The following TENM2 variants were observed in gnomAD, a reference collection of about 807,000 sequenced individuals.
TENM2 encodes teneurin transmembrane protein 2.
In TENM2, 52 loss-of-function variants were observed where a neutral mutation model predicts 245.2. The observed-to-expected ratio is 0.21, with a 90% confidence interval of 0.17 to 0.27. TENM2 has a LOEUF of 0.27. TENM2 is among the 10% of genes least tolerant of loss of function. The pLI, the probability that TENM2 is intolerant of heterozygous loss-of-function variation, is 1.00. For synonymous variants in TENM2, 1,363 were observed against 1,438.9 expected (o/e 0.95, Z 1.19); for missense variants, 3,046 against 3,666.8 (o/e 0.83, Z 4.37).
chr5:167,448,364 A>T (rs1765359081), intron 2 of TENM2, among the ~76,000 whole-genome samples: 2 of 152,096 alleles, frequency 1.3e-5, no homozygotes, highest in Admixed American at 1.3e-4. Flanking sequence ...CACAGTGATT[A>T]TACTGGTTGG....
intron 2 of TENM2, among the ~76,000 whole-genome samples, chr5:167,503,574 C>G (rs1769353549): frequency 6.7e-6 from 1 of 150,348 alleles, no homozygotes; most frequent in Admixed American, 6.6e-5. Flanking sequence ...AATGAATTAT[C>G]TGAGGCACCA....
intron 5 of TENM2, among the ~76,000 whole-genome samples, chr5:167,999,590 G>C (rs1409359046): frequency 6.6e-6 from 1 of 152,194 alleles, no homozygotes; most frequent in African/African-American, 2.4e-5. Flanking sequence ...TTTGTACCTC[G>C]TGTTTGACAT....
chr5:167,060,066 C>A, the TENM2 span, among the ~76,000 whole-genome samples: 4 of 152,048 alleles, frequency 2.6e-5, no homozygotes, highest in East Asian at 7.7e-4. Context: ...AAATTAAAAA[C>A]TTTTTAATTA....
At chr5:167,922,670 T>C (rs1174384777) in intron 3 of TENM2, among the ~76,000 whole-genome samples, 1 of 152,200 alleles carries the variant, frequency 6.6e-6, no homozygotes, top group Non-Finnish European at 1.5e-5. Flanking sequence ...CTGCTTCTCC[T>C]CAGTCACTCT....
the TENM2 span, among the ~76,000 whole-genome samples, chr5:167,239,876 G>A: frequency 5.9e-5 from 9 of 152,196 alleles, no homozygotes; most frequent in South Asian, 6.2e-4. Context: ...AGATTCAAGC[G>A]ATTCTCCTGC....
At chr5:167,922,232 T>G (rs1190981193) in intron 3 of TENM2, among the ~76,000 whole-genome samples, 1 of 152,168 alleles carries the variant, frequency 6.6e-6, no homozygotes, top group East Asian at 1.9e-4. Flanking sequence ...AGACTTCTGA[T>G]TTCCATCATG....
chr5:167,079,365 G>A, the TENM2 span, among the ~76,000 whole-genome samples: 17 of 150,050 alleles, frequency 1.1e-4, no homozygotes, highest in Admixed American at 5.3e-4. Context: ...CCAGGCTGGA[G>A]TGCAATGGTG....
At chr5:167,237,029 T>G in the TENM2 span, among the ~76,000 whole-genome samples, 1 of 152,200 alleles carries the variant, frequency 6.6e-6, no homozygotes, top group Admixed American at 6.5e-5. Flanking sequence ...GATGGCATCT[T>G]GGCAGAATAT....
intron 2 of TENM2, among the ~76,000 whole-genome samples, chr5:167,385,307 CCTT>C (rs1173937271): frequency 1.3e-5 from 2 of 151,674 alleles, no homozygotes; most frequent in South Asian, 4.2e-4. Flanking sequence ...GTTATGTCTC[CCTT>C]CTTATCTCTA....
chr5:168,011,470 T>A (rs1785215403), intron 5 of TENM2, among the ~76,000 whole-genome samples: 1 of 152,254 alleles, frequency 6.6e-6, no homozygotes, highest in African/African-American at 2.4e-5. Context: ...TAAAGAATTA[T>A]CTGATCCAAA....
chr5:167,007,686 C>T, the TENM2 span, among the ~76,000 whole-genome samples: 2 of 152,154 alleles, frequency 1.3e-5, no homozygotes, highest in African/African-American at 2.4e-5. This position sits in a 1 kb window ranked among gnomAD's most constrained non-coding sequence, Gnocchi z 4.2. Flanking sequence ...CTAACAGGCC[C>T]CCCACTACCA....
At position 168,126,862 on chromosome 5, in the gene TENM2, G is replaced by A. The variant is rs974255013; in HGVS notation, c.2318G>A (p.Arg773His). ...TGTGACCAGCGCGTGTGCCACCCCC[G>A]CTGCATTGAGCACGGGACCTGTAAA... The change falls in exon 12 of 29, where the codon CGC becomes CAC. Residue 773 changes from arginine (R) to histidine (H), a missense_variant. Coordinates refer to ENST00000518659, the Ensembl canonical transcript of TENM2. 9.9e-6 allele frequency: 16 copies of A among 1,608,924 alleles called. No individual in the cohort carries two copies. The highest frequency in any genetic ancestry group is 2.2e-5 in the South Asian group (2 of 89,920).
At position 167,978,608 on chromosome 5, in the gene TENM2, A is replaced by G. The variant is rs111864897; in HGVS notation, c.948-14336A>G. On this transcript the variant is annotated intron_variant, in intron 4 of 28. Coordinates refer to ENST00000518659, the Ensembl canonical transcript of TENM2. Reference sequence around the variant, plus strand: ...GACAGAAACCAAATTAGTGGTTGCCAGGAGCTGGGAGTGAGAGAGTGAAGG... The same window carrying G: ...GACAGAAACCAAATTAGTGGTTGCCGGGAGCTGGGAGTGAGAGAGTGAAGG... Among the ~76,000 whole-genome samples, 367 of 152,224 alleles carry G rather than the reference A, an allele frequency of 2.4e-3. 2 individuals carry two copies. Among genetic ancestry groups the G allele is most frequent in the Non-Finnish European group, 4.4e-3 (297 of 68,018 alleles).
At chr5:167,756,075 A>G (rs910988618) in intron 2 of TENM2, among the ~76,000 whole-genome samples, 1 of 152,178 alleles carries the variant, frequency 6.6e-6, no homozygotes, top group Admixed American at 6.5e-5. Context: ...TCAAGGCAAA[A>G]GACTCATCCA....
chr5:167,180,673 G>C, the TENM2 span, among the ~76,000 whole-genome samples: 1 of 151,998 alleles, frequency 6.6e-6, no homozygotes, highest in Non-Finnish European at 1.5e-5. Flanking sequence ...AGGTTTTATA[G>C]GTTATATGTG....
intron 2 of TENM2, among the ~76,000 whole-genome samples, chr5:167,688,694 G>A (rs1424941269): frequency 4.6e-5 from 7 of 152,190 alleles, no homozygotes; most frequent in African/African-American, 1.7e-4. Context: ...TGCATTTTCT[G>A]TAGCAGTTTT....
chr5:167,626,555 C>T (rs1778514408), intron 2 of TENM2, among the ~76,000 whole-genome samples: 1 of 152,020 alleles, frequency 6.6e-6, no homozygotes, highest in African/African-American at 2.4e-5. Flanking sequence ...TAAAAACAAA[C>T]ATTTCTGGGC....
chr5:167,757,286 C>T (rs575728896), intron 2 of TENM2, among the ~76,000 whole-genome samples: 1 of 151,576 alleles, frequency 6.6e-6, no homozygotes, highest in Non-Finnish European at 1.5e-5. Flanking sequence ...GTTCCCCTCC[C>T]TGTGTCCATA....
At chr5:167,725,269 A>G (rs566707312) in intron 2 of TENM2, among the ~76,000 whole-genome samples, 5 of 152,208 alleles carry the variant, frequency 3.3e-5, no homozygotes, top group African/African-American at 1.2e-4. Flanking sequence ...TTTTTTTTAA[A>G]GATGCTTTTG....
Sources: gnomAD v4.1 joint callset for allele counts (sites outside exome capture counted in the v4.1 genomes callset) on GRCh38, gnomAD v4.1.1 for gene constraint, Gnocchi (gnomAD v3.1) non-coding constraint, MANE v1.5 for transcripts, NCBI Gene and HGNC (gene_info 2026-07-23, HGNC 2026-07-21) for gene names.